ADAM9: variants seen among roughly 807,000 people sequenced by gnomAD.
ADAM9 encodes ADAM metallopeptidase domain 9, also known as disintegrin and metalloproteinase domain-containing protein 9.
Under a neutral mutation model 108.1 loss-of-function variants are expected in ADAM9, and 54 were observed. The ratio of observed to expected loss-of-function variants is 0.50; its 90% CI spans 0.40 to 0.63. The LOEUF (loss-of-function observed/expected upper bound fraction) is 0.63. Among genes scored for constraint, ADAM9 ranks in the 20% least tolerant of loss-of-function variants. The pLI is 0.00. For missense variants in ADAM9, 830 were observed against 997.7 expected (o/e 0.83, Z 2.26); for synonymous variants, 316 against 336.0 (o/e 0.94, Z 0.65).
intron 9 of ADAM9, among the ~76,000 whole-genome samples, 174 bp downstream of exon 9, chr8:39,023,499 C>T (rs1473351489): frequency 6.6e-6 from 1 of 152,050 alleles, no homozygotes; most frequent in African/African-American, 2.4e-5. Context: ...ATTCCTGTGA[C>T]CTTTCTCCCA....
At chr8:39,045,174 ATATATGTGTATACATACATATATGTG>A (rs1209924442) in intron 12 of ADAM9, among the ~76,000 whole-genome samples, 1 of 108,934 alleles carries the variant, frequency 9.2e-6, no homozygotes, top group East Asian at 2.7e-4. Context: ...ATATATGTGT[ATATATGTGTATACATACATATATGTG>A]TATATATGTG....
chr8:39,039,690 C>T (rs550622723), intron 11 of ADAM9, among the ~76,000 whole-genome samples: 2 of 152,326 alleles, frequency 1.3e-5, no homozygotes, highest in Non-Finnish European at 1.5e-5. Context: ...ATAACATCCT[C>T]CAGGTTCCTC....
At chr8:39,000,461 C>CT (rs200043842) in intron 1 of ADAM9, among the ~76,000 whole-genome samples, 14 of 148,376 alleles carry the variant, frequency 9.4e-5, no homozygotes, top group East Asian at 2.0e-4. Context: ...TGAGTCACAT[C>CT]TTTTTTTTTT....
chr8:39,008,331 T>G (rs1266903037), intron 2 of ADAM9, among the ~76,000 whole-genome samples: 1 of 152,000 alleles, frequency 6.6e-6, no homozygotes, highest in Non-Finnish European at 1.5e-5. Context: ...CCACCATGTC[T>G]GGCTAATTTT....
intron 1 of ADAM9, among the ~76,000 whole-genome samples, chr8:39,002,312 CTTTTTTTTTTTTT>C (rs35517175): frequency 2.8e-5 from 2 of 71,492 alleles, no homozygotes; most frequent in South Asian, 1.1e-3. Flanking sequence ...AGGTAGAATT[CTTTTTTTTTTTTT>C]TTTTTTTTTT....
At chr8:39,040,015 T>C (rs1837408861) in intron 11 of ADAM9, among the ~76,000 whole-genome samples, 1 of 152,194 alleles carries the variant, frequency 6.6e-6, no homozygotes, top group African/African-American at 2.4e-5. Context: ...TTCCTTTTTT[T>C]CTATACTCTC....
chr8:39,012,050 G>T (rs1267349348), intron 3 of ADAM9, among the ~76,000 whole-genome samples: 15 of 152,174 alleles, frequency 9.9e-5, no homozygotes, highest in Non-Finnish European at 2.2e-4. Flanking sequence ...GGTTCCACAG[G>T]CTACTTCTAT....
intron 14 of ADAM9, among the ~76,000 whole-genome samples, chr8:39,066,390 T>C (rs1324041616): frequency 2.0e-5 from 3 of 152,240 alleles, no homozygotes; most frequent in Non-Finnish European, 2.9e-5. Context: ...TGTTCCTATT[T>C]CTCCACATCC....
At chr8:39,049,059 A>G (rs1454585087) in intron 12 of ADAM9, among the ~76,000 whole-genome samples, 1 of 145,848 alleles carries the variant, frequency 6.9e-6, no homozygotes, top group Non-Finnish European at 1.5e-5. Flanking sequence ...GGAGTTTAAC[A>G]TATTTACATT....
At chr8:39,022,902 G>A (rs187275707) in intron 8 of ADAM9, among the ~76,000 whole-genome samples, 692 of 152,020 alleles carry the variant, frequency 4.6e-3, no homozygotes, top group African/African-American at 7.5e-3. Context: ...TAGTAGAGAC[G>A]GGATTTCACC....
At position 39,061,154 on chromosome 8, in the gene ADAM9, T is replaced by C. The variant is rs111540519; in HGVS notation, c.1591+5382T>C. Among the ~76,000 whole-genome samples the C allele has an allele frequency of 5.4e-3, 818 of 152,310 alleles. 13 individuals are homozygous for C. Among genetic ancestry groups the C allele is most frequent in the African/African-American group, 0.019 (784 of 41,568 alleles). On this transcript the variant is annotated intron_variant, in intron 14 of 21. Transcript: ENST00000487273. ...TTGATGTTGACACGAATCTCTGCAATCCCTCCAGAGATGTGGTATTGCTTT... is the reference window on the plus strand; with the variant it reads ...TTGATGTTGACACGAATCTCTGCAACCCCTCCAGAGATGTGGTATTGCTTT...
chr8:39,071,465 CTTTTT>C (rs34398586), intron 15 of ADAM9, 62 bp downstream of exon 15: 1,131 of 588,202 alleles, frequency 1.9e-3, no homozygotes, highest in Middle Eastern at 4.2e-3. Context: ...TCTCTAGTAT[CTTTTT>C]TTTTTTTTTT....
intron 16 of ADAM9, 44 bp downstream of exon 16, chr8:39,077,455 T>G (rs1564358450): frequency 6.6e-6 from 10 of 1,520,950 alleles, no homozygotes; most frequent in South Asian, 2.5e-5. Context: ...TGAAAAAAAT[T>G]AAAAAAATTA....
intron 20 of ADAM9, among the ~76,000 whole-genome samples, chr8:39,093,852 C>G (rs919055877): frequency 1.3e-4 from 20 of 152,226 alleles, no homozygotes; most frequent in African/African-American, 3.6e-4. Flanking sequence ...TTACTGCAAC[C>G]TCTTTCTCAC....
intron 12 of ADAM9, among the ~76,000 whole-genome samples, chr8:39,053,014 A>G (rs780957114): frequency 9.2e-5 from 14 of 152,082 alleles, no homozygotes; most frequent in Non-Finnish European, 1.6e-4. Context: ...CAGTGTTTTT[A>G]ATTTTAGCCA....
intron 12 of ADAM9, among the ~76,000 whole-genome samples, chr8:39,045,437 C>CGTGTGTACACACACCTATATGT (rs1564301845): frequency 3.8e-5 from 4 of 104,116 alleles, no homozygotes; most frequent in Non-Finnish European, 6.2e-5. Context: ...CCTATATGTG[C>CGTGTGTACACACACCTATATGT]GCGTGTGTAC....
At chr8:39,045,157 T>G in intron 12 of ADAM9, among the ~76,000 whole-genome samples, 1 of 123,812 alleles carries the variant, frequency 8.1e-6, no homozygotes, top group Non-Finnish European at 1.8e-5. Flanking sequence ...TATATGTGTA[T>G]ACATACATAT....
intron 7 of ADAM9, 104 bp from the exon 8 acceptor site, chr8:39,021,539 C>A (rs890130299): frequency 9.9e-7 from 1 of 1,014,534 alleles, no homozygotes; most frequent in Non-Finnish European, 1.6e-6. Flanking sequence ...CCGCCTGGGC[C>A]TCTCAAAATG....
chr8:39,051,299 G>T (rs1176783221), intron 12 of ADAM9, among the ~76,000 whole-genome samples: 1 of 152,130 alleles, frequency 6.6e-6, no homozygotes, highest in Non-Finnish European at 1.5e-5. Flanking sequence ...GTCATGAGTT[G>T]GGATTGCGGC....
Sources: gnomAD v4.1 joint callset for allele counts (sites outside exome capture counted in the v4.1 genomes callset) on GRCh38, gnomAD v4.1.1 for gene constraint, MANE v1.5 for transcripts, NCBI Gene and HGNC (gene_info 2026-07-23, HGNC 2026-07-21) for gene names.